Variants in PHF14 observed in about 807,000 individuals in gnomAD.
PHF14 encodes PHD finger protein 14.
PHF14 carries 55 observed loss-of-function variants against 117.9 expected under a neutral mutation model. That is an observed-to-expected ratio of 0.47 (90% CI 0.38 to 0.58). The LOEUF (loss-of-function observed/expected upper bound fraction) is 0.58. Ranked by LOEUF, PHF14 falls within the 20% of genes least tolerant of loss-of-function variation. The pLI is 0.00. For synonymous variants in PHF14, 409 were observed against 368.6 expected, an observed-to-expected ratio of 1.11 and a Z score of -1.26; for missense variants, 978 against 1,122.2, an observed-to-expected ratio of 0.87 and a Z score of 1.84.
At chr7:11,134,776 G>A (rs1312914375) in intron 17 of PHF14, among the ~76,000 whole-genome samples, 1 of 152,062 alleles carries the variant, frequency 6.6e-6, no homozygotes, top group African/African-American at 2.4e-5. Context: ...AACAAGTTTA[G>A]TGCTGAAAAG....
intron 17 of PHF14, among the ~76,000 whole-genome samples, chr7:11,153,400 T>A (rs74719549): frequency 1.7e-4 from 26 of 151,684 alleles, no homozygotes; most frequent in Non-Finnish European, 3.7e-4. Context: ...TTAGTGGGGG[T>A]AGGGGAAGTT....
At chr7:11,031,984 G>C (rs546039129) in intron 7 of PHF14, among the ~76,000 whole-genome samples, 1 of 152,224 alleles carries the variant, frequency 6.6e-6, no homozygotes, top group South Asian at 2.1e-4. Flanking sequence ...ACCGGGTGTG[G>C]TGGCACACGC....
At chr7:10,994,894 G>C (rs1024980658) in intron 4 of PHF14, among the ~76,000 whole-genome samples, 16 of 152,178 alleles carry the variant, frequency 1.1e-4, no homozygotes, top group African/African-American at 3.6e-4. Flanking sequence ...AGCTTCCACA[G>C]TGTGGAAGGG....
chr7:11,143,698 T>C (rs191869170), intron 17 of PHF14, among the ~76,000 whole-genome samples: 12 of 152,278 alleles, frequency 7.9e-5, no homozygotes, highest in African/African-American at 2.9e-4. Flanking sequence ...CTAAGCATCT[T>C]GTAAGTGTAA....
In PHF14 at chr7:11,026,060, C is replaced by T. The variant is rs148206271; in HGVS notation, c.1318-2621C>T. On this transcript the variant is annotated intron_variant, in intron 6 of 17. Coordinates refer to ENST00000634607, the MANE Select transcript of PHF14 (RefSeq NM_001007157.2). ...CCAGTAGGTGTAGGTTACAGTGAGC[C>T]GAGATTGCACCACTGCACTCCAGCC... Among the ~76,000 whole-genome samples, 793 of 150,490 alleles carry T rather than the reference C, an allele frequency of 5.3e-3. 6 individuals are homozygous for T. The highest frequency in any genetic ancestry group is 9.7e-3 in the Non-Finnish European group (657 of 67,740).
chr7:10,982,873 A>G lies in PHF14; in HGVS notation c.614A>G (p.Asp205Gly). ...VSMEELNDMDDYDSEDDNDWR... is the reference protein window; with the variant it reads ...VSMEELNDMDGYDSEDDNDWR... ...ATGGAAGAGCTGAATGACATGGATG[A>G]CTATGACAGTGAGGATGACAATGAT... is the stretch of plus-strand genomic sequence containing the variant. The change falls in exon 3 of 18, where the codon GAC (aspartate) becomes GGC (glycine). Residue 205 changes from aspartate (D) to glycine (G), a missense_variant. Asp to Gly is a moderately conservative substitution (Grantham distance 94). Coordinates refer to ENST00000634607, the MANE Select transcript of PHF14 (RefSeq NM_001007157.2). The G allele has an allele frequency of 1.2e-6, 2 of 1,613,768 alleles. No homozygotes were observed. Among genetic ancestry groups the G allele is most frequent in the East Asian group, 4.5e-5 (2 of 44,876 alleles).
intron 14 of PHF14, among the ~76,000 whole-genome samples, chr7:11,061,095 G>A (rs1785207991): frequency 6.6e-6 from 1 of 152,076 alleles, no homozygotes; most frequent in Admixed American, 6.6e-5. Context: ...TCTGCATATG[G>A]GGCTGTGCTG....
intron 2 of PHF14, among the ~76,000 whole-genome samples, chr7:10,979,603 G>C (rs1781986525): frequency 6.9e-6 from 1 of 145,558 alleles, no homozygotes; most frequent in Non-Finnish European, 1.5e-5. Flanking sequence ...TTGATGACTA[G>C]GAAATTTTGT....
chr7:11,108,193 A>G (rs531993203), intron 16 of PHF14: 9 of 151,878 alleles, frequency 5.9e-5, no homozygotes, highest in East Asian at 3.9e-4. Flanking sequence ...TGTGATTAGC[A>G]CATAGAGCTA....
chr7:11,133,490 T>G (rs1002169147), intron 17 of PHF14, among the ~76,000 whole-genome samples: 6 of 151,968 alleles, frequency 3.9e-5, no homozygotes, highest in African/African-American at 1.2e-4. Context: ...GCAAAATGGT[T>G]GGGCATTAGA....
At chr7:11,104,151 A>G in intron 16 of PHF14, 4 of 984,524 alleles carry the variant, frequency 4.1e-6, no homozygotes, top group Non-Finnish European at 4.8e-6. Context: ...TTGTTTTGGT[A>G]TCACTGTTAA....
Position 10,974,195 on chromosome 7 carries a change from G to C in PHF14, c.-129G>C, listed in dbSNP as rs1781781678. The C allele has an allele frequency of 5.0e-6, 4 of 808,070 alleles. No individual in the cohort carries two copies. The South Asian group carries it at 5.9e-5, about 12-fold the overall frequency. 50.1% of individuals were successfully genotyped at this position (808,070 alleles called of 1,614,324 possible). Reference sequence around the variant, plus strand: ...TCTTGGGAGCGCCCCTGTCCGGCTGGCTGCGCGCCGGTTTTAAATAGCATC... The same window carrying C: ...TCTTGGGAGCGCCCCTGTCCGGCTGCCTGCGCGCCGGTTTTAAATAGCATC... On this transcript the variant is annotated 5_prime_UTR_variant, in exon 1 of 18. Coordinates refer to ENST00000634607, the MANE Select transcript of PHF14 (RefSeq NM_001007157.2).
chr7:11,159,624 G>T (rs1788966327), intron 17 of PHF14, among the ~76,000 whole-genome samples: 1 of 151,864 alleles, frequency 6.6e-6, no homozygotes, highest in South Asian at 2.1e-4. Context: ...TATCAATGTG[G>T]GTATCTTGGT....
At chr7:10,984,024 T>G (rs1378232369) in intron 3 of PHF14, among the ~76,000 whole-genome samples, 2 of 152,192 alleles carry the variant, frequency 1.3e-5, no homozygotes, top group Non-Finnish European at 2.9e-5. Flanking sequence ...TTACATCACA[T>G]GTAGAACTGT....
At chr7:10,992,340 C>T (rs1283789086) in intron 4 of PHF14, among the ~76,000 whole-genome samples, 2 of 151,276 alleles carry the variant, frequency 1.3e-5, no homozygotes, top group African/African-American at 2.4e-5. Context: ...AGGCATGAGC[C>T]ACCGTGCCTG....
chr7:11,142,053 A>T (rs1228218851), intron 17 of PHF14, among the ~76,000 whole-genome samples: 3 of 151,964 alleles, frequency 2.0e-5, no homozygotes, highest in East Asian at 1.9e-4. Context: ...GGGGTTTTTT[A>T]AATTTCTTAG....
chr7:11,056,872 G>C (rs1785039580), intron 14 of PHF14, among the ~76,000 whole-genome samples: 1 of 150,352 alleles, frequency 6.7e-6, no homozygotes, highest in Admixed American at 6.6e-5. Context: ...TTGAATAGCT[G>C]CCAGAAAGCT....
At position 10,982,748 on chromosome 7, in the gene PHF14, C is replaced by G; in HGVS notation, c.489C>G (p.Ser163=). 1 of 1,613,784 alleles carries G rather than the reference C, an allele frequency of 6.2e-7. No homozygotes were observed. The highest frequency in any genetic ancestry group is 1.6e-4 in the Middle Eastern group (1 of 6,062). The part of the protein sequence containing the change: ...PATSPPAVNT[S]PSVPTTTTAT... ...CAAGTCCTCCTGCTGTTAACACATCCCCTTCTGTTCCCACTACGACAACCG... is the reference window on the plus strand; with the variant it reads ...CAAGTCCTCCTGCTGTTAACACATCGCCTTCTGTTCCCACTACGACAACCG... The change falls in exon 3 of 18, where the codon TCC becomes TCG. Residue 163 remains serine, a synonymous_variant. Coordinates refer to ENST00000634607, the MANE Select transcript of PHF14 (RefSeq NM_001007157.2).
intron 16 of PHF14, among the ~76,000 whole-genome samples, chr7:11,099,856 C>G (rs1787022299): frequency 2.0e-5 from 3 of 152,048 alleles, no homozygotes; most frequent in African/African-American, 7.2e-5. Context: ...TCATCTGACA[C>G]TTGATTTATC....
Sources: allele counts gnomAD v4.1 joint callset (sites outside exome capture counted in the v4.1 genomes callset), GRCh38; gene constraint gnomAD v4.1.1; transcripts MANE v1.5; gene names NCBI Gene and HGNC (gene_info 2026-07-23, HGNC 2026-07-21).